CPAMD8: variants seen among roughly 807,000 people sequenced by gnomAD.
The protein encoded by CPAMD8 is C3 and PZP like alpha-2-macroglobulin domain containing 8.
In CPAMD8, 146 loss-of-function variants were observed where a neutral mutation model predicts 224.7. The ratio of observed to expected loss-of-function variants is 0.65; its 90% CI spans 0.57 to 0.75. CPAMD8 has a LOEUF of 0.75. CPAMD8 is among the 30% of genes least tolerant of loss of function. CPAMD8 has a pLI of 0.00. For synonymous variants in CPAMD8, 966 were observed against 1,044.6 expected (o/e 0.92, Z 1.45); for missense variants, 2,301 against 2,537.5 (o/e 0.91, Z 2.00).
At chr19:16,959,831 G>A (rs939126599) in intron 18 of CPAMD8, among the ~76,000 whole-genome samples, 20 of 152,098 alleles carry the variant, frequency 1.3e-4, no homozygotes, top group African/African-American at 4.3e-4. Context: ...AAGCCACCAC[G>A]CCCGGCCTGC....
chr19:16,935,532 T>C (rs558786538), intron 23 of CPAMD8, among the ~76,000 whole-genome samples: 1 of 152,236 alleles, frequency 6.6e-6, no homozygotes, highest in South Asian at 2.1e-4. Context: ...TTCTTCCCAC[T>C]CAATTCCCTT....
At chr19:16,914,879 G>GCAGCCCCCAC in intron 27 of CPAMD8, 66 bp from the exon 28 acceptor site, 1 of 1,240,812 alleles carries the variant, frequency 8.1e-7, no homozygotes, top group Admixed American at 2.3e-5. Flanking sequence ...CTGGCTGAGG[G>GCAGCCCCCAC]ATTGCAGCAA....
chr19:17,024,506 T>C (rs1187724586), intron 1 of CPAMD8, among the ~76,000 whole-genome samples: 1 of 152,224 alleles, frequency 6.6e-6, no homozygotes, highest in Non-Finnish European at 1.5e-5. Flanking sequence ...CCCTAGAGTT[T>C]AGACGGGCCT....
intron 26 of CPAMD8, among the ~76,000 whole-genome samples, chr19:16,924,518 T>C (rs2053288461): frequency 6.6e-6 from 1 of 152,198 alleles, no homozygotes; most frequent in Non-Finnish European, 1.5e-5. Flanking sequence ...TAGCTGTCCA[T>C]GATCAGCCTT....
At chr19:16,933,724 C>T (rs1471149268) in intron 23 of CPAMD8, among the ~76,000 whole-genome samples, 1 of 152,138 alleles carries the variant, frequency 6.6e-6, no homozygotes. Context: ...ATGGAACTCT[C>T]ACATACTGCA....
At chr19:16,919,671 G>A (rs2053094665) in intron 27 of CPAMD8, among the ~76,000 whole-genome samples, 1 of 152,252 alleles carries the variant, frequency 6.6e-6, no homozygotes, top group South Asian at 2.1e-4. Flanking sequence ...ATCTCTCACA[G>A]GGTCTTTCTC....
intron 41 of CPAMD8, chr19:16,895,974 G>C (rs757870354): frequency 2.0e-5 from 14 of 703,954 alleles, no homozygotes; most frequent in Non-Finnish European, 3.6e-5. Context: ...GGTGTTGCGT[G>C]GGCCAGGGTG....
rs578186258 is a variant in CPAMD8 at position 17,014,972 on chromosome 19, T to G, written c.268-3215A>C. 3.9e-5 allele frequency among the ~76,000 whole-genome samples: 6 copies of G among 152,370 alleles called. No homozygotes were observed. In the South Asian group the frequency reaches 1.2e-3, roughly 32 times the overall value. ...AAACCACCCAAATGGCTGGGCACAG[T>G]GGCTCACGCCTGTCATCCCAGCACT... On this transcript the variant is annotated intron_variant, in intron 3 of 41. Coordinates refer to ENST00000443236, the MANE Select transcript of CPAMD8 (RefSeq NM_015692.5).
intron 30 of CPAMD8, among the ~76,000 whole-genome samples, chr19:16,904,848 C>T (rs1017494261): frequency 2.6e-5 from 4 of 152,238 alleles, no homozygotes; most frequent in Admixed American, 1.3e-4. Context: ...TTCCTGGACA[C>T]AGACATCACT....
intron 6 of CPAMD8, chr19:17,009,071 T>C (rs1224837877): frequency 3.4e-6 from 2 of 580,002 alleles, no homozygotes; most frequent in East Asian, 6.1e-5. Flanking sequence ...CAATCCAGCC[T>C]GGGTGATAGA....
intron 13 of CPAMD8, among the ~76,000 whole-genome samples, chr19:16,983,973 AAG>A (rs1457644998): frequency 1.3e-5 from 2 of 152,190 alleles, no homozygotes; most frequent in African/African-American, 4.8e-5. Flanking sequence ...TACAGTAATC[AAG>A]ACAGTGTAGT....
intron 27 of CPAMD8, among the ~76,000 whole-genome samples, chr19:16,919,212 A>G (rs1047343501): frequency 9.8e-5 from 4 of 40,872 alleles, no homozygotes; most frequent in Non-Finnish European, 2.8e-4. Context: ...CAAAAAAAGA[A>G]AAAAAAAAAG....
intron 27 of CPAMD8, among the ~76,000 whole-genome samples, chr19:16,921,448 T>A (rs1346781392): frequency 6.6e-6 from 1 of 152,024 alleles, no homozygotes; most frequent in Non-Finnish European, 1.5e-5. Flanking sequence ...GGGCCCTCCC[T>A]GCCCTGGTCT....
chr19:17,014,513 A>G (rs1298478398), intron 3 of CPAMD8, among the ~76,000 whole-genome samples: 1 of 152,206 alleles, frequency 6.6e-6, no homozygotes, highest in Non-Finnish European at 1.5e-5. Context: ...GAGACTGGGT[A>G]ATTTATAAAG....
chr19:16,987,179 A>ATATATATATATATATAT (rs1169938247), intron 13 of CPAMD8, among the ~76,000 whole-genome samples: 1 of 53,920 alleles, frequency 1.9e-5, no homozygotes, highest in African/African-American at 1.0e-4. Context: ...AAAAAAAAAA[A>ATATATATATATATATAT]ATATATATAT....
intron 22 of CPAMD8, among the ~76,000 whole-genome samples, chr19:16,942,436 TG>T (rs2053931497): frequency 1.3e-5 from 2 of 152,080 alleles, no homozygotes; most frequent in African/African-American, 4.8e-5. Flanking sequence ...CACTCCAGCC[TG>T]GGCGACAGAG....
rs1451495949 is a variant in CPAMD8 at position 16,899,253 on chromosome 19, C to T, written c.4848+222G>A. ...TATATTTTTTGTAAAGATGGGGTCT[C>T]GCCATGTTGCCCAGGCTGGTCTCGA... On this transcript the variant is annotated intron_variant, in intron 37 of 41. Coordinates refer to ENST00000443236, the MANE Select transcript of CPAMD8 (RefSeq NM_015692.5). The surrounding 1 kb of genome is among the most constrained non-coding windows in gnomAD (Gnocchi z 5.4). Among the ~76,000 whole-genome samples, 2 of 152,066 alleles carry T rather than the reference C, an allele frequency of 1.3e-5. No homozygotes were observed. The highest frequency in any genetic ancestry group is 1.9e-4 in the East Asian group (1 of 5,182).
intron 18 of CPAMD8, among the ~76,000 whole-genome samples, chr19:16,960,760 G>C (rs11878988): frequency 0.18 from 27,769 of 151,542 alleles, 2,820 homozygotes; most frequent in Admixed American, 0.25. Flanking sequence ...AAGTTAGCCG[G>C]GTTTGGTGGT....
chr19:17,022,054 C>G lies in CPAMD8; in HGVS notation c.220G>C (p.Val74Leu). The change falls in exon 2 of 42, where the codon GTG (valine) becomes CTG (leucine). Residue 74 changes from valine (V) to leucine (L), a missense_variant. Coordinates refer to ENST00000443236, the MANE Select transcript of CPAMD8 (RefSeq NM_015692.5). ...CCCAGGATGGCTCCCTGGCTCTGCA[C>G]CACCGGCTCACCCTGGGCCACCAGC... is the stretch of plus-strand genomic sequence containing the variant. ...AQLVAQGEPV[V>L]QSQGAILDKG... 1 of 1,605,512 alleles carries G rather than the reference C, an allele frequency of 6.2e-7. No homozygotes were observed. The highest frequency in any genetic ancestry group is 8.5e-7 in the Non-Finnish European group (1 of 1,176,456).
Sources: allele counts gnomAD v4.1 joint callset (sites outside exome capture counted in the v4.1 genomes callset), GRCh38; gene constraint gnomAD v4.1.1; non-coding constraint Gnocchi (gnomAD v3.1); transcripts MANE v1.5; gene names NCBI Gene and HGNC (gene_info 2026-07-23, HGNC 2026-07-21).